The following RGSL1 variants were observed in gnomAD, a reference collection of about 807,000 sequenced individuals.
The protein encoded by RGSL1 is regulator of G protein signaling like 1, also known as regulator of G protein signaling protein-like.
RGSL1 carries 97 observed loss-of-function variants against 124.7 expected under a neutral mutation model. The observed-to-expected ratio is 0.78, with a 90% CI of 0.66 to 0.92. The LOEUF (loss-of-function observed/expected upper bound fraction) is 0.92, where lower values mean the gene tolerates loss of function less well. Among genes scored for constraint, RGSL1 ranks in the 40% least tolerant of loss-of-function variants. RGSL1 has a pLI of 0.00. For synonymous variants in RGSL1, 424 were observed against 438.1 expected (o/e 0.97, Z 0.40); for missense variants, 1,233 against 1,288.4 (o/e 0.96, Z 0.66).
In RGSL1 at chr1:182,548,394, G is replaced by A. The variant is rs577746578; in HGVS notation, c.2747G>A (p.Arg916Gln). The A allele has an allele frequency of 2.8e-5, 43 of 1,551,626 alleles. No homozygotes were observed. Among genetic ancestry groups the A allele is most frequent in the East Asian group, 2.4e-4 (10 of 40,896 alleles). The change falls in exon 16 of 22, where the codon CGG (arginine) becomes CAG (glutamine). Residue 916 changes from arginine to glutamine, a missense_variant. Transcript: ENST00000294854. ...AATGAGAATGATGTGATCCTAATGC[G>A]GTCCAAAATGAACATTATCCAAAAA... is the stretch of plus-strand genomic sequence containing the variant. Reference protein sequence around the residue: ...AYNENDVILMRSKMNIIQKLF... With the variant: ...AYNENDVILMQSKMNIIQKLF...
Position 182,553,535 on chromosome 1 carries a change from C to T in RGSL1, c.3124C>T (p.Gln1042Ter), listed in dbSNP as rs1353962810. The T allele has an allele frequency of 2.6e-6, 4 of 1,551,624 alleles. No individual in the cohort carries two copies. The highest frequency in any genetic ancestry group is 3.5e-6 in the Non-Finnish European group (4 of 1,146,886). Residue 1042 changes from glutamine to a stop codon, truncating the protein, a stop_gained, in exon 19 of 22, where the codon CAA (glutamine) becomes TAA (stop). Transcript: ENST00000294854. LOFTEE classifies it high-confidence loss of function. ...QPQREAISSV[Q>*]NSSSSKLTQP... ...TCAACGGGAAGCAATAAGTTCAGTT[C>T]AAAATTGTGAGTTGGAATTGGATCC...
At chr1:182,496,528 C>T (rs746875136) in intron 9 of RGSL1, among the ~76,000 whole-genome samples, 9 of 152,148 alleles carry the variant, frequency 5.9e-5, no homozygotes, top group South Asian at 2.1e-4. Flanking sequence ...CAGAAATTTA[C>T]GGATCTATTT....
Position 182,548,701 on chromosome 1 carries a change from T to C in RGSL1, c.2810T>C (p.Val937Ala). The change falls in exon 17 of 22, where the codon GTG (valine) becomes GCG (alanine). Residue 937 changes from valine to alanine, a missense_variant and splice_region_variant. Val to Ala is a moderately conservative substitution (Grantham distance 64, BLOSUM62 0). Transcript: ENST00000294854. ...GACAGGCTCCCACTCTGTGGGTAGG[T>C]GAATGTCCCTGAGTTCCAGAAGGAT... The part of the protein sequence containing the change: ...LNSDIPPKLR[V>A]NVPEFQKDAI... The C allele has an allele frequency of 6.4e-7, 1 of 1,551,358 alleles. No individual in the cohort carries two copies. The highest frequency in any genetic ancestry group is 8.7e-7 in the Non-Finnish European group (1 of 1,146,906).
intron 11 of RGSL1, among the ~76,000 whole-genome samples, chr1:182,528,907 C>G (rs1433741489): frequency 6.6e-6 from 1 of 152,210 alleles, no homozygotes; most frequent in African/African-American, 2.4e-5. Context: ...TGGAAGGCAC[C>G]TGTCTACAGG....
At chr1:182,541,903 T>C (rs1244669446) in intron 15 of RGSL1, among the ~76,000 whole-genome samples, 1 of 152,198 alleles carries the variant, frequency 6.6e-6, no homozygotes, top group Non-Finnish European at 1.5e-5. Flanking sequence ...TCAGATCTTT[T>C]GCACTTTAAA....
At chr1:182,457,226 C>T (rs1315173416) in intron 2 of RGSL1, among the ~76,000 whole-genome samples, 1 of 152,134 alleles carries the variant, frequency 6.6e-6, no homozygotes, top group African/African-American at 2.4e-5. Context: ...TAGGAGCTGA[C>T]CAGGTCTGCT....
intron 18 of RGSL1, among the ~76,000 whole-genome samples, chr1:182,551,446 G>A (rs1660557799): frequency 6.6e-6 from 1 of 152,184 alleles, no homozygotes; most frequent in African/African-American, 2.4e-5. Context: ...ACGCCTCTGT[G>A]CATGCCGGTC....
intron 9 of RGSL1, among the ~76,000 whole-genome samples, chr1:182,496,430 G>A (rs1655918149): frequency 6.6e-6 from 1 of 152,174 alleles, no homozygotes; most frequent in Non-Finnish European, 1.5e-5. Context: ...CACATGGACA[G>A]GCTCTCTTAC....
chr1:182,480,125 C>T lies in RGSL1; in HGVS notation c.1431+5583C>T, dbSNP rs116330101. 9.5e-4 allele frequency among the ~76,000 whole-genome samples: 145 copies of T among 152,212 alleles called. 1 individual carries two copies. Among genetic ancestry groups the T allele is most frequent in the Middle Eastern group, 3.4e-3 (1 of 294 alleles). On this transcript the variant is annotated intron_variant, in intron 6 of 21. Coordinates refer to ENST00000294854, the MANE Select transcript of RGSL1 (RefSeq NM_001137669.2). The stretch of plus-strand genomic sequence containing the variant: ...ACAAAGAAAGAGCAGAACTGACCAA[C>T]CTCATAAAGCAACTGGACCTAACAG...
chr1:182,557,069 C>T (rs558396767), intron 21 of RGSL1, among the ~76,000 whole-genome samples: 1 of 152,318 alleles, frequency 6.6e-6, no homozygotes. Flanking sequence ...ACACCTGAGA[C>T]TCTGAGGTCA....
rs541393859 is a variant in RGSL1 at position 182,532,697 on chromosome 1, G to C, written c.2400G>C (p.Arg800Ser). 4.9e-5 allele frequency: 76 copies of C among 1,550,908 alleles called. No individual in the cohort carries two copies. Among genetic ancestry groups the C allele is most frequent in the Non-Finnish European group, 6.5e-5 (74 of 1,146,506 alleles). ...GGATGAGAATGATCAGCTTTATCAG[G>C]AGTTTTTGCAAGTACCGCAGATTTA... ...KGWMRMISFIRSFCKYRRFML... is the reference protein window; with the variant it reads ...KGWMRMISFISSFCKYRRFML... The change falls in exon 14 of 22, where the codon AGG (arginine) becomes AGC (serine). Residue 800 changes from arginine to serine, a missense_variant. Arg to Ser is a moderately radical substitution (Grantham distance 110). Transcript: ENST00000294854.
chr1:182,555,617 A>C (rs1397963603), intron 20 of RGSL1: 1 of 190,808 alleles, frequency 5.2e-6, no homozygotes, highest in South Asian at 1.1e-4. Flanking sequence ...ACCATAGCTG[A>C]GGAGTGCCAA....
Position 182,546,747 on chromosome 1 carries a change from C to T in RGSL1, c.2670-1570C>T, listed in dbSNP as rs1433367884. Among the ~76,000 whole-genome samples the T allele has an allele frequency of 2.6e-5, 4 of 152,186 alleles. No individual in the cohort carries two copies. The East Asian group carries it at 5.8e-4, about 22-fold the overall frequency. ...CATTAGAATTTCCAAAACATTCTAA[C>T]TTGTTTTCATAGAAATAATAACTTT... On this transcript the variant is annotated intron_variant, in intron 15 of 21. Transcript: ENST00000294854.
At chr1:182,474,695 G>C (rs1044006219) in intron 6 of RGSL1, among the ~76,000 whole-genome samples, 153 bp downstream of exon 6, 11 of 152,180 alleles carry the variant, frequency 7.2e-5, no homozygotes, top group Non-Finnish European at 1.5e-4. Context: ...GTTAAGGCAG[G>C]GGTCCCCAGC....
At chr1:182,485,069 G>A (rs1322168518) in intron 6 of RGSL1, among the ~76,000 whole-genome samples, 1 of 152,150 alleles carries the variant, frequency 6.6e-6, no homozygotes, top group Non-Finnish European at 1.5e-5. Flanking sequence ...TGGCCATTAG[G>A]CAGCTCCCTC....
chr1:182,474,308 T>C lies in RGSL1; in HGVS notation c.1197T>C (p.Leu399=), dbSNP rs1654106225. The C allele has an allele frequency of 6.4e-7, 1 of 1,551,748 alleles. No homozygotes were observed. The highest frequency in any genetic ancestry group is 1.4e-5 in the African/African-American group (1 of 73,162). ...TGAATTTGAAAGTGGAGATCCAACT[T>C]CTTGACCTCTGGCAGGACTTGCAGC... ...KKLNLKVEIQ[L]LDLWQDLQHF... The change falls in exon 6 of 22, where the codon CTT becomes CTC. Residue 399 remains leucine, a synonymous_variant. Transcript: ENST00000294854.
intron 12 of RGSL1, 142 bp from the exon 13 acceptor site, chr1:182,530,648 A>G: frequency 1.0e-6 from 1 of 971,676 alleles, no homozygotes; most frequent in Non-Finnish European, 1.5e-6. Context: ...CTGATAGAGT[A>G]AGAAGAGAAT....
Position 182,503,140 on chromosome 1 carries a change from C to G in RGSL1, c.1825+10011C>G, listed in dbSNP as rs547822728. Among the ~76,000 whole-genome samples the G allele has an allele frequency of 2.4e-4, 36 of 152,306 alleles. No individual in the cohort carries two copies. In the South Asian group the frequency reaches 6.6e-3, roughly 28 times the overall value. ...AAAATAGAGCTATCATATGATCCAG[C>G]AACCCCACTGCTAGGTATACCCAAA... On this transcript the variant is annotated intron_variant, in intron 9 of 21. Transcript: ENST00000294854.
At chr1:182,502,420 T>TA (rs1246430490) in intron 9 of RGSL1, among the ~76,000 whole-genome samples, 1 of 152,070 alleles carries the variant, frequency 6.6e-6, no homozygotes, top group African/African-American at 2.4e-5. Context: ...TACAAAAAAT[T>TA]AAAAAATTAA....
Sources: allele counts gnomAD v4.1 joint callset (sites outside exome capture counted in the v4.1 genomes callset), GRCh38; gene constraint gnomAD v4.1.1; transcripts MANE v1.5; gene names NCBI Gene and HGNC (gene_info 2026-07-23, HGNC 2026-07-21).